The following AKAP13 variants were observed in gnomAD, a reference collection of about 807,000 sequenced individuals.
The protein encoded by AKAP13 is A-kinase anchor protein 13.
A neutral mutation model predicts 264.5 loss-of-function variants in AKAP13; 80 were observed. The observed-to-expected ratio is 0.30, with a 90% CI of 0.25 to 0.36. The LOEUF (loss-of-function observed/expected upper bound fraction) is 0.36, where lower values mean the gene tolerates loss of function less well. AKAP13 is among the 10% of genes least tolerant of loss of function. The pLI is 1.00. For synonymous variants in AKAP13, 1,380 were observed against 1,250.2 expected, an observed-to-expected ratio of 1.10 and a Z score of -2.19; for missense variants, 3,712 against 3,435.2, an observed-to-expected ratio of 1.08 and a Z score of -2.01.
intron 9 of AKAP13, among the ~76,000 whole-genome samples, chr15:85,645,308 C>T (rs1054860767): frequency 5.3e-5 from 8 of 152,066 alleles, no homozygotes; most frequent in Non-Finnish European, 5.9e-5. Context: ...TAAATTTTTC[C>T]ACTTTGGCAT....
chr15:85,715,376 A>G (rs1012821812), intron 19 of AKAP13, among the ~76,000 whole-genome samples: 3 of 152,314 alleles, frequency 2.0e-5, no homozygotes, highest in African/African-American at 7.2e-5. Flanking sequence ...ATGGTGTTGC[A>G]TTGAATAACT....
rs570649417 is a variant in AKAP13 at position 85,486,852 on chromosome 15, C to T, written c.33+1099C>T. Among the ~76,000 whole-genome samples the T allele has an allele frequency of 5.1e-4, 77 of 151,054 alleles. No homozygotes were observed. The South Asian group carries it at 7.5e-3, about 15-fold the overall frequency. ...CTCCCAGGTTCACGCCAGTCTCCTG[C>T]CTCAGCCTCCCAAGTAGCTGGGACT... On this transcript the variant is annotated intron_variant, in intron 2 of 36. Coordinates refer to ENST00000394518, the MANE Select transcript of AKAP13 (RefSeq NM_007200.5).
intron 3 of AKAP13, among the ~76,000 whole-genome samples, chr15:85,524,901 GTC>G (rs1491538624): frequency 2.0e-5 from 3 of 148,608 alleles, no homozygotes; most frequent in East Asian, 2.0e-4. Flanking sequence ...GTGTGTGTGT[GTC>G]TGTGTGTAAT....
intron 13 of AKAP13, among the ~76,000 whole-genome samples, chr15:85,667,202 T>G (rs1234505389): frequency 6.6e-6 from 1 of 152,232 alleles, no homozygotes; most frequent in Non-Finnish European, 1.5e-5. Flanking sequence ...AGCACTAACA[T>G]GACCAAATAT....
intron 4 of AKAP13, among the ~76,000 whole-genome samples, chr15:85,542,605 C>T (rs1033903900): frequency 6.6e-6 from 1 of 152,214 alleles, no homozygotes; most frequent in African/African-American, 2.4e-5. Flanking sequence ...TAAGCTGAGG[C>T]AGGCACAACT....
intron 3 of AKAP13, among the ~76,000 whole-genome samples, chr15:85,530,010 T>C (rs1356288686): frequency 6.6e-6 from 1 of 152,226 alleles, no homozygotes; most frequent in East Asian, 1.9e-4. Context: ...ATCTCTTTCA[T>C]GGCTATTTCT....
intron 3 of AKAP13, among the ~76,000 whole-genome samples, chr15:85,525,182 C>T (rs1462014462): frequency 4.0e-5 from 6 of 151,358 alleles, no homozygotes; most frequent in East Asian, 1.9e-4. Flanking sequence ...CCTCAGCCTC[C>T]GAGTAGCTGG....
At position 85,401,287 on chromosome 15, in the gene AKAP13, A is replaced by G. The variant is rs138073233; in HGVS notation, c.-12+20489A>G. Among the ~76,000 whole-genome samples, 114 of 114,490 alleles carry G rather than the reference A, an allele frequency of 1.0e-3. 1 individual carries two copies. The highest frequency in any genetic ancestry group is 3.7e-3 in the African/African-American group (107 of 28,744). 75.1% of individuals were successfully genotyped at this position (114,490 alleles called of 152,430 possible). On this transcript the variant is annotated intron_variant, in intron 1 of 36. Transcript: ENST00000394518. Reference sequence around the variant, plus strand: ...CTTGAAACCACCCAGTTTTTTATGTAGTATACCTGATTATTGAACTGTTAG... The same window carrying G: ...CTTGAAACCACCCAGTTTTTTATGTGGTATACCTGATTATTGAACTGTTAG...
chr15:85,525,176 A>C (rs1281158125), intron 3 of AKAP13, among the ~76,000 whole-genome samples: 2 of 148,444 alleles, frequency 1.3e-5, no homozygotes, highest in African/African-American at 5.0e-5. Flanking sequence ...CTCCTGCCTC[A>C]GCCTCCGAGT....
chr15:85,407,017 T>C (rs1309234720), intron 1 of AKAP13, among the ~76,000 whole-genome samples: 1 of 151,710 alleles, frequency 6.6e-6, no homozygotes, highest in African/African-American at 2.4e-5. Context: ...ACAGAAATAA[T>C]ATATTTTATG....
Position 85,746,537 on chromosome 15 carries a change from A to C in AKAP13, c.*1860A>C, listed in dbSNP as rs1277042436. ...TTGTTTGAGAATGAAGAAACTCGCC[A>C]CCTCTGACCTACCTTTGCCTTTTTC... is the stretch of plus-strand genomic sequence containing the variant. On this transcript the variant is annotated 3_prime_UTR_variant, in exon 37 of 37. Transcript: ENST00000394518. 2 of 150,884 alleles carry C rather than the reference A, an allele frequency of 1.3e-5. No individual in the cohort carries two copies. The highest frequency in any genetic ancestry group is 2.9e-5 in the Non-Finnish European group (2 of 67,870). 9.3% of individuals were successfully genotyped at this position (150,884 alleles called of 1,614,324 possible).
intron 1 of AKAP13, among the ~76,000 whole-genome samples, chr15:85,475,522 A>G (rs1294555846): frequency 6.6e-6 from 1 of 152,232 alleles, no homozygotes; most frequent in Non-Finnish European, 1.5e-5. Flanking sequence ...TTCCAGAGGT[A>G]CCAACCATCA....
chr15:85,414,060 A>G (rs1275875290), intron 1 of AKAP13, among the ~76,000 whole-genome samples: 1 of 152,186 alleles, frequency 6.6e-6, no homozygotes, highest in East Asian at 1.9e-4. Flanking sequence ...GCAGAGGAAA[A>G]AAGGTGTAAC....
At chr15:85,636,070 T>TCTG (rs1292150125) in intron 8 of AKAP13, among the ~76,000 whole-genome samples, 2 of 152,228 alleles carry the variant, frequency 1.3e-5, no homozygotes, top group East Asian at 3.8e-4. Flanking sequence ...TTTATTTAAG[T>TCTG]CTGCATTAAT....
intron 8 of AKAP13, among the ~76,000 whole-genome samples, chr15:85,587,509 A>G (rs916244787): frequency 6.6e-6 from 1 of 152,198 alleles, no homozygotes; most frequent in African/African-American, 2.4e-5. Context: ...TTGTGTACAA[A>G]ATTATGTGGA....
chr15:85,427,602 C>T (rs543505740), intron 1 of AKAP13, among the ~76,000 whole-genome samples: 19 of 152,168 alleles, frequency 1.2e-4, no homozygotes, highest in African/African-American at 3.9e-4. Flanking sequence ...TGGAAGAAAC[C>T]GTTGAAAGTA....
chr15:85,631,894 A>T (rs1203843698), intron 8 of AKAP13, among the ~76,000 whole-genome samples: 2 of 152,180 alleles, frequency 1.3e-5, no homozygotes, highest in African/African-American at 4.8e-5. Context: ...TAACCATTGA[A>T]GAAAATTTGG....
In AKAP13 at chr15:85,568,881, T is replaced by C. The variant is rs201985932; in HGVS notation, c.663-6250T>C. On this transcript the variant is annotated intron_variant, in intron 5 of 36. Transcript: ENST00000394518. Reference sequence around the variant, plus strand: ...CTTTGAAACAGTTGTTTCTGATAGATTGGGGGGTAGTGAAGGCCCTAGGGT... The same window carrying C: ...CTTTGAAACAGTTGTTTCTGATAGACTGGGGGGTAGTGAAGGCCCTAGGGT... Among the ~76,000 whole-genome samples, 98 of 152,242 alleles carry C rather than the reference T, an allele frequency of 6.4e-4. 1 individual carries two copies. In the South Asian group the frequency reaches 0.013, roughly 20 times the overall value.
intron 3 of AKAP13, 103 bp downstream of exon 3, chr15:85,521,678 T>C (rs1483581): frequency 0.21 from 268,136 of 1,255,740 alleles, 32,191 homozygotes; most frequent in African/African-American, 0.5. Flanking sequence ...GTGTAGACAG[T>C]ATAAAAAAAT....
Sources: gnomAD v4.1 joint callset for allele counts (sites outside exome capture counted in the v4.1 genomes callset) on GRCh38, gnomAD v4.1.1 for gene constraint, MANE v1.5 for transcripts, NCBI Gene and HGNC (gene_info 2026-07-23, HGNC 2026-07-21) for gene names.